Variants in ST3GAL6 observed in about 807,000 individuals in gnomAD.
The protein encoded by ST3GAL6 is type 2 lactosamine alpha-2,3-sialyltransferase.
ST3GAL6 carries 31 observed loss-of-function variants against 40.5 expected under a neutral mutation model. The ratio of observed to expected loss-of-function variants is 0.77; its 90% CI spans 0.58 to 1.03. ST3GAL6 has a LOEUF of 1.03. Among genes scored for constraint, ST3GAL6 ranks in the 50% least tolerant of loss-of-function variants. ST3GAL6 has a pLI of 0.00. For missense variants in ST3GAL6, 357 were observed against 393.2 expected, an observed-to-expected ratio of 0.91 and a Z score of 0.78; for synonymous variants, 129 against 136.9, an observed-to-expected ratio of 0.94 and a Z score of 0.40.
At chr3:98,784,123 C>A (rs887244671) in intron 5 of ST3GAL6, among the ~76,000 whole-genome samples, 2 of 152,204 alleles carry the variant, frequency 1.3e-5, no homozygotes, top group Admixed American at 1.3e-4. Flanking sequence ...ACTTTCCATG[C>A]CATGAGGGCC....
Position 98,794,732 on chromosome 3 carries a change from T to G in ST3GAL6, c.*971T>G, listed in dbSNP as rs1351035777. The G allele has an allele frequency of 1.3e-5, 2 of 152,072 alleles. No individual in the cohort carries two copies. The highest frequency in any genetic ancestry group is 2.4e-5 in the African/African-American group (1 of 41,376). 9.4% of individuals were successfully genotyped at this position (152,072 alleles called of 1,614,324 possible). ...CTGGCCAACATGGTGAAACCTCATC[T>G]CTACTAAAATACAAAATAATTAGCT... is the stretch of plus-strand genomic sequence containing the variant. On this transcript the variant is annotated 3_prime_UTR_variant, in exon 10 of 10. Transcript: ENST00000483910.
rs1046622812 is a variant in ST3GAL6 at position 98,795,407 on chromosome 3, G to A, written c.*1646G>A. The A allele has an allele frequency of 2.6e-5, 4 of 152,164 alleles. No homozygotes were observed. Among genetic ancestry groups the A allele is most frequent in the South Asian group, 4.2e-4 (2 of 4,818 alleles). 9.4% of individuals were successfully genotyped at this position (152,164 alleles called of 1,614,324 possible). A position where few individuals can be genotyped will look rare whatever the true frequency, so the allele number is the denominator to read the frequency against. ...AGTTGATCTAACCCAGATTAGACAT[G>A]AATACCAGCATATGTTTGCAGAGTC... is the stretch of plus-strand genomic sequence containing the variant. On this transcript the variant is annotated 3_prime_UTR_variant, in exon 10 of 10. Transcript: ENST00000483910.
At chr3:98,748,059 A>G (rs1936700051) in intron 1 of ST3GAL6, among the ~76,000 whole-genome samples, 1 of 152,224 alleles carries the variant, frequency 6.6e-6, no homozygotes, top group Non-Finnish European at 1.5e-5. Context: ...ATAGATCACA[A>G]CTAGGAGCCA....
At chr3:98,748,913 A>ACT (rs1173646487) in intron 1 of ST3GAL6, among the ~76,000 whole-genome samples, 2 of 151,734 alleles carry the variant, frequency 1.3e-5, no homozygotes, top group African/African-American at 4.8e-5. Context: ...TATCTGATTA[A>ACT]CTCCTCTTCA....
intron 5 of ST3GAL6, among the ~76,000 whole-genome samples, chr3:98,779,199 AAGTG>A (rs1470572532): frequency 6.6e-6 from 1 of 152,210 alleles, no homozygotes; most frequent in Non-Finnish European, 1.5e-5. Context: ...AGAAAGGAAG[AAGTG>A]AGTAATGAAG....
At chr3:98,767,012 T>G (rs1938426707) in intron 1 of ST3GAL6, among the ~76,000 whole-genome samples, 1 of 152,248 alleles carries the variant, frequency 6.6e-6, no homozygotes, top group Non-Finnish European at 1.5e-5. Flanking sequence ...TAGAAGTATG[T>G]GTGAACTAAA....
At position 98,768,454 on chromosome 3, in the gene ST3GAL6, T is replaced by C. The variant is rs1173654044; in HGVS notation, c.14T>C (p.Leu5Pro). 5.0e-6 allele frequency: 8 copies of C among 1,613,942 alleles called. No individual in the cohort carries two copies. The highest frequency in any genetic ancestry group is 2.2e-5 in the East Asian group (1 of 44,870). ...GGTGAGCCAGCCATGAGAGGGTATC[T>C]TGTGGCCATATTCCTGAGTGCTGTC... MRGYLVAIFLSAVFL... is the reference protein window; with the variant it reads MRGYPVAIFLSAVFL... The change falls in exon 2 of 10, where the codon CTT (leucine) becomes CCT (proline). Residue 5 changes from leucine (L) to proline (P), a missense_variant. By Grantham distance (98) the Leu-to-Pro change is moderately conservative. Transcript: ENST00000483910.
intron 1 of ST3GAL6, among the ~76,000 whole-genome samples, chr3:98,768,221 A>G (rs2107165840): frequency 6.6e-6 from 1 of 152,326 alleles, no homozygotes; most frequent in African/African-American, 2.4e-5. Context: ...AACATACATT[A>G]TGTTGTGCTT....
At chr3:98,734,036 G>A (rs1381063005) in intron 1 of ST3GAL6, among the ~76,000 whole-genome samples, 3 of 152,124 alleles carry the variant, frequency 2.0e-5, no homozygotes, top group African/African-American at 7.2e-5. Context: ...AAAGCTCCTC[G>A]TGGTCTGTGG....
upstream of ST3GAL6, among the ~76,000 whole-genome samples, chr3:98,758,567 A>G (rs1937552709): frequency 6.6e-6 from 1 of 152,256 alleles, no homozygotes; most frequent in Non-Finnish European, 1.5e-5. Flanking sequence ...AATTAATACT[A>G]TTTTGAATGC....
upstream of ST3GAL6, among the ~76,000 whole-genome samples, chr3:98,761,711 C>T (rs550022312): frequency 2.0e-5 from 3 of 151,314 alleles, no homozygotes; most frequent in South Asian, 6.3e-4. Flanking sequence ...TAAGAGAATA[C>T]AGGGACAATT....
intron 6 of ST3GAL6, among the ~76,000 whole-genome samples, chr3:98,785,523 G>A (rs898575766): frequency 6.6e-6 from 1 of 152,160 alleles, no homozygotes; most frequent in African/African-American, 2.4e-5. Context: ...TTGCTGCAGG[G>A]CCTCAGGAGG....
At chr3:98,765,637 G>A (rs1938246514) in intron 1 of ST3GAL6, among the ~76,000 whole-genome samples, 1 of 152,172 alleles carries the variant, frequency 6.6e-6, no homozygotes, top group Non-Finnish European at 1.5e-5. Flanking sequence ...TTTGTCCTCT[G>A]CCAGTGAGTC....
upstream of ST3GAL6, among the ~76,000 whole-genome samples, chr3:98,760,728 C>T (rs947219348): frequency 7.2e-5 from 11 of 152,066 alleles, no homozygotes; most frequent in African/African-American, 2.4e-4. Flanking sequence ...CCCATGAAAA[C>T]GTATATCCAC....
chr3:98,751,762 G>A (rs2107341077), intron 1 of ST3GAL6, among the ~76,000 whole-genome samples: 1 of 152,264 alleles, frequency 6.6e-6, no homozygotes, highest in African/African-American at 2.4e-5. Context: ...GAAAGTCATA[G>A]TTTCCAAGAA....
At chr3:98,768,080 G>GA (rs1938555794) in intron 1 of ST3GAL6, among the ~76,000 whole-genome samples, 1 of 152,162 alleles carries the variant, frequency 6.6e-6, no homozygotes, top group Non-Finnish European at 1.5e-5. Context: ...TAATGTTTGT[G>GA]AAAAAAGTTT....
At chr3:98,748,115 C>T (rs778865987) in intron 1 of ST3GAL6, among the ~76,000 whole-genome samples, 1 of 152,190 alleles carries the variant, frequency 6.6e-6, no homozygotes, top group Non-Finnish European at 1.5e-5. Flanking sequence ...TATTGTTAGG[C>T]ACACCTAATA....
At chr3:98,744,993 G>A (rs1936429054) in intron 1 of ST3GAL6, among the ~76,000 whole-genome samples, 2 of 151,752 alleles carry the variant, frequency 1.3e-5, no homozygotes, top group South Asian at 2.1e-4. Context: ...TTGAAAGATC[G>A]TCTTTAAACT....
intron 1 of ST3GAL6, among the ~76,000 whole-genome samples, chr3:98,752,096 G>T (rs1387975968): frequency 6.6e-6 from 1 of 152,144 alleles, no homozygotes; most frequent in Non-Finnish European, 1.5e-5. Context: ...CTGGGTCCAA[G>T]AATTAAATTG....
Sources: allele counts gnomAD v4.1 joint callset (sites outside exome capture counted in the v4.1 genomes callset), GRCh38; gene constraint gnomAD v4.1.1; transcripts MANE v1.5; gene names NCBI Gene and HGNC (gene_info 2026-07-23, HGNC 2026-07-21).